PCF11: variants seen among roughly 807,000 people sequenced by gnomAD.
PCF11 encodes pre-mRNA cleavage complex 2 protein Pcf11.
PCF11 carries 19 observed loss-of-function variants against 166.1 expected under a neutral mutation model. The ratio of observed to expected loss-of-function variants is 0.11; its 90% confidence interval spans 0.08 to 0.17. The LOEUF (loss-of-function observed/expected upper bound fraction) is 0.17. PCF11 is among the 10% of genes least tolerant of loss of function. The pLI is 1.00. For synonymous variants in PCF11, 663 were observed against 644.1 expected (o/e 1.03, Z -0.44); for missense variants, 1,565 against 1,855.5 (o/e 0.84, Z 2.88).
chr11:83,179,282 C>T (rs1266714296), intron 11 of PCF11, among the ~76,000 whole-genome samples: 1 of 151,678 alleles, frequency 6.6e-6, no homozygotes, highest in African/African-American at 2.4e-5. Context: ...CAGAGTCTCA[C>T]TCTGTCACCC....
At chr11:83,179,898 A>G (rs796573761) in intron 11 of PCF11, among the ~76,000 whole-genome samples, 43 of 151,996 alleles carry the variant, frequency 2.8e-4, no homozygotes, top group African/African-American at 9.6e-4. Flanking sequence ...ATCCTGGGTG[A>G]CAGAGCGCGA....
chr11:83,161,129 TTC>T (rs1408086109), intron 1 of PCF11, among the ~76,000 whole-genome samples, 196 bp from the exon 2 acceptor site: 7 of 152,364 alleles, frequency 4.6e-5, no homozygotes, highest in Admixed American at 4.6e-4. Flanking sequence ...ATCCTGGTAA[TTC>T]TGAGCTTTTT....
exon 8 of PCF11, chr11:83,169,516 C>T (rs1392348663): frequency 1.2e-6 from 2 of 1,613,634 alleles, no homozygotes; most frequent in Admixed American, 1.7e-5. Flanking sequence ...TCAGCCAGGT[C>T]CTAGATTTGA....
At chr11:83,175,227 G>A (rs895160732) in intron 9 of PCF11, among the ~76,000 whole-genome samples, 49 of 152,126 alleles carry the variant, frequency 3.2e-4, no homozygotes, top group African/African-American at 1.2e-3. Context: ...CCTCCTCCCA[G>A]TTTCAAACGA....
intron 14 of PCF11, among the ~76,000 whole-genome samples, chr11:83,182,726 A>G (rs1023674429): frequency 6.6e-5 from 10 of 152,224 alleles, no homozygotes; most frequent in African/African-American, 2.4e-4. Flanking sequence ...ACCCAGGACT[A>G]GGTCTTCTGA....
At chr11:83,160,321 G>GTTTTTTTTTTTTTT (rs35201107) in intron 1 of PCF11, among the ~76,000 whole-genome samples, 15 of 91,254 alleles carry the variant, frequency 1.6e-4, no homozygotes, top group East Asian at 3.6e-4. Context: ...GATAACCTAA[G>GTTTTTTTTTTTTTT]TTTTTTTTTT....
intron 9 of PCF11, among the ~76,000 whole-genome samples, chr11:83,173,522 G>GT (rs550536928): frequency 0.047 from 6,510 of 138,518 alleles, 457 homozygotes; most frequent in African/African-American, 0.15. Flanking sequence ...TTTTGTTGTT[G>GT]TTTTTTTTTT....
exon 5 of PCF11, chr11:83,166,206 T>C (rs1590925165): frequency 4.3e-6 from 7 of 1,612,256 alleles, no homozygotes; most frequent in Non-Finnish European, 5.9e-6. Flanking sequence ...GCACATGAAG[T>C]CATCCGAACA....
exon 5 of PCF11, chr11:83,166,487 T>C (rs1042571508): frequency 1.9e-6 from 3 of 1,613,782 alleles, no homozygotes; most frequent in Admixed American, 3.3e-5. Context: ...AGCAGTCACA[T>C]ATGGAAGAGT....
exon 8 of PCF11, chr11:83,169,445 T>C: frequency 6.2e-7 from 1 of 1,613,786 alleles, no homozygotes; most frequent in Non-Finnish European, 8.5e-7. Context: ...TGTCATGCTT[T>C]AAGGTTTGAT....
In PCF11 at chr11:83,168,408, A is replaced by AT. The variant is rs748522490; in HGVS notation, c.2093-13dup. The AT allele has an allele frequency of 4.1e-5, 64 of 1,546,206 alleles. No individual in the cohort carries two copies. Among genetic ancestry groups the AT allele is most frequent in the Non-Finnish European group, 5.4e-5 (62 of 1,149,130 alleles). ...TTTTAAGATAACTTTAGTGAAAATA[A>AT]TTTTTTTCCTTTTTAAAAGGTGTGC... On this transcript the variant is annotated intron_variant, in intron 7 of 15. Transcript: ENST00000298281.
intron 9 of PCF11, among the ~76,000 whole-genome samples, chr11:83,174,550 GA>G (rs1239252226): frequency 1.1e-4 from 17 of 151,120 alleles, no homozygotes; most frequent in Admixed American, 1.1e-3. Context: ...AAAGGCTATT[GA>G]TTTTTTTTTT....
chr11:83,186,394 T>G (rs957899705), exon 16 of PCF11: 9 of 152,244 alleles, frequency 5.9e-5, no homozygotes, highest in Non-Finnish European at 1.2e-4. Context: ...TTGAATAGAT[T>G]ATGATGAGCC....
chr11:83,178,983 TA>T (rs1860987034), intron 11 of PCF11, among the ~76,000 whole-genome samples: 1 of 152,100 alleles, frequency 6.6e-6, no homozygotes, highest in Non-Finnish European at 1.5e-5. Context: ...AAAAAACATT[TA>T]AAGATTTTTC....
intron 4 of PCF11, among the ~76,000 whole-genome samples, chr11:83,165,100 T>C (rs753650695): frequency 9.9e-5 from 15 of 152,252 alleles, no homozygotes; most frequent in Non-Finnish European, 2.1e-4. Context: ...AGGAAGATTA[T>C]ATCTTTCTAC....
exon 1 of PCF11, chr11:83,157,164 C>T (rs1472837414): frequency 8.7e-6 from 5 of 572,436 alleles, no homozygotes; most frequent in African/African-American, 3.7e-5. Flanking sequence ...CAGACATTTT[C>T]GGAGCTGGAG....
exon 1 of PCF11, chr11:83,157,354 G>A: frequency 1.6e-6 from 2 of 1,228,836 alleles, no homozygotes; most frequent in Non-Finnish European, 2.3e-6. Context: ...GAGCCGGGGA[G>A]AGGAAGAGGA....
At chr11:83,175,732 C>T (rs1860856183) in intron 9 of PCF11, among the ~76,000 whole-genome samples, 1 of 152,044 alleles carries the variant, frequency 6.6e-6, no homozygotes, top group Non-Finnish European at 1.5e-5. Context: ...CCAGCCTGGG[C>T]AACAGAGTGA....
At position 83,184,640 on chromosome 11, in the gene PCF11, G is replaced by A. The variant is rs201028738; in HGVS notation, c.4453-39G>A. 3,841 of 1,367,374 alleles carry A rather than the reference G, an allele frequency of 2.8e-3. 11 individuals are homozygous for A. The highest frequency in any genetic ancestry group is 3.5e-3 in the Non-Finnish European group (3,348 of 969,262). 84.7% of individuals were successfully genotyped at this position (1,367,374 alleles called of 1,614,324 possible). On this transcript the variant is annotated intron_variant, in intron 15 of 15. Coordinates refer to ENST00000298281, the Ensembl canonical transcript of PCF11. ...AAATGTTATTTAATGTGAGAATTTT[G>A]AACTTTCATCAGTACTCATAGGGCC...
Sources: allele counts gnomAD v4.1 joint callset (sites outside exome capture counted in the v4.1 genomes callset), GRCh38; gene constraint gnomAD v4.1.1; transcripts MANE v1.5; gene names NCBI Gene and HGNC (gene_info 2026-07-23, HGNC 2026-07-21).